ZNF254: variants seen among roughly 807,000 people sequenced by gnomAD.
ZNF254 encodes the protein zinc finger protein 254, also known as CTD-2017D11.1.
ZNF254 carries 10 observed loss-of-function variants against 12.4 expected under a neutral mutation model. That is an observed-to-expected ratio of 0.80 (90% confidence interval 0.50 to 1.36). The LOEUF is 1.36. ZNF254 is among the 40% of genes most tolerant of loss of function. The pLI, the probability that ZNF254 is intolerant of heterozygous loss-of-function variation, is 0.00. For synonymous variants in ZNF254, 305 were observed against 253.4 expected, an observed-to-expected ratio of 1.20 and a Z score of -1.93; for missense variants, 996 against 763.9, an observed-to-expected ratio of 1.30 and a Z score of -3.58.
At chr19:24,117,811 G>A (rs369680158) in intron 3 of ZNF254, among the ~76,000 whole-genome samples, 52 of 151,968 alleles carry the variant, frequency 3.4e-4, no homozygotes, top group Non-Finnish European at 1.9e-4. Flanking sequence ...GCTGTAGACC[G>A]GAGCTGTTCG....
chr19:24,108,639 G>A (rs776822603), intron 3 of ZNF254, among the ~76,000 whole-genome samples: 2 of 152,094 alleles, frequency 1.3e-5, no homozygotes, highest in African/African-American at 2.4e-5. Context: ...TCTCATAAAG[G>A]CATTTTTGTC....
chr19:24,076,012 G>GA (rs1442329765), intron 2 of ZNF254, among the ~76,000 whole-genome samples: 3 of 152,214 alleles, frequency 2.0e-5, no homozygotes, highest in African/African-American at 7.2e-5. Context: ...CTTGTTCCCT[G>GA]AAAATCACTG....
chr19:24,047,529 C>T (rs550484650), intron 2 of ZNF254, among the ~76,000 whole-genome samples: 9 of 151,282 alleles, frequency 5.9e-5, no homozygotes, highest in Non-Finnish European at 1.2e-4. Flanking sequence ...TCAGTTTCCC[C>T]AAGTGTTGGG....
upstream of ZNF254, chr19:24,087,034 C>G (rs1224467007): frequency 9.6e-6 from 4 of 416,224 alleles, no homozygotes; most frequent in Non-Finnish European, 1.8e-5. Context: ...GGCTGTCACT[C>G]TTTCTTCAGC....
chr19:24,037,120 A>ATCAG (rs1969995984), intron 1 of ZNF254, among the ~76,000 whole-genome samples: 4 of 152,220 alleles, frequency 2.6e-5, no homozygotes, highest in Admixed American at 2.6e-4. Context: ...CCCTGCCTGA[A>ATCAG]TCAGTATCTG....
At chr19:24,095,533 T>G (rs1032052519) in intron 1 of ZNF254, among the ~76,000 whole-genome samples, 2 of 152,210 alleles carry the variant, frequency 1.3e-5, no homozygotes, top group Non-Finnish European at 2.9e-5. Context: ...GTTTGGTTGG[T>G]AGGCTATTTA....
rs1384335110 is a variant in ZNF254 at position 24,049,782 on chromosome 19, A to T, written c.-94+3503A>T. ...TCCCAAACCTAGGTGATGTAACTCT[A>T]CTGCTTAGGCCCTGCCTACAGAGGA... is the stretch of plus-strand genomic sequence containing the variant. On this transcript the variant is annotated intron_variant, in intron 2 of 4. Coordinates refer to the ZNF254 transcript ENST00000613065. 2.6e-5 allele frequency among the ~76,000 whole-genome samples: 4 copies of T among 151,974 alleles called. No individual in the cohort carries two copies. In the East Asian group the frequency reaches 7.7e-4, roughly 29 times the overall value.
chr19:24,041,184 A>G (rs573340988), intron 1 of ZNF254, among the ~76,000 whole-genome samples: 2 of 152,156 alleles, frequency 1.3e-5, no homozygotes, highest in East Asian at 1.9e-4. Flanking sequence ...TGCTCTCGGC[A>G]CCTCCCCTGC....
intron 3 of ZNF254, among the ~76,000 whole-genome samples, chr19:24,117,989 C>G (rs973747578): frequency 4.0e-5 from 6 of 151,596 alleles, no homozygotes; most frequent in African/African-American, 4.8e-5. Context: ...ACATTTATAA[C>G]ATAATAAAAT....
intron 2 of ZNF254, among the ~76,000 whole-genome samples, chr19:24,057,920 C>T (rs1354074329): frequency 6.6e-6 from 1 of 152,190 alleles, no homozygotes; most frequent in African/African-American, 2.4e-5. Context: ...CATCCTTGGT[C>T]TTTCCTTCAG....
At chr19:24,081,712 A>G (rs1380204377) in intron 2 of ZNF254, among the ~76,000 whole-genome samples, 4 of 152,216 alleles carry the variant, frequency 2.6e-5, no homozygotes, top group African/African-American at 4.8e-5. Flanking sequence ...GACTATACTC[A>G]GATGCCCCCG....
At chr19:24,078,475 C>T (rs1212289659) in intron 2 of ZNF254, 1 of 152,114 alleles carries the variant, frequency 6.6e-6, no homozygotes. Context: ...CTCACTTTTT[C>T]AAAAAGACTC....
chr19:24,073,931 AT>A (rs1971568499), intron 2 of ZNF254, among the ~76,000 whole-genome samples: 1 of 152,210 alleles, frequency 6.6e-6, no homozygotes, highest in African/African-American at 2.4e-5. Flanking sequence ...CACCTGAGTA[AT>A]TTGATTCTCC....
At chr19:24,087,888 A>T (rs1972123194) in intron 1 of ZNF254, among the ~76,000 whole-genome samples, 1 of 151,112 alleles carries the variant, frequency 6.6e-6, no homozygotes, top group Admixed American at 6.6e-5. Flanking sequence ...TTGGCTAGGT[A>T]CAGCAATCTA....
chr19:24,079,964 A>G (rs1971791344), intron 2 of ZNF254: 1 of 152,232 alleles, frequency 6.6e-6, no homozygotes. Flanking sequence ...AATAGTGTTT[A>G]GTTGAGGCAA....
At chr19:24,120,427 T>C (rs1005823015) in intron 3 of ZNF254, among the ~76,000 whole-genome samples, 1 of 152,118 alleles carries the variant, frequency 6.6e-6, no homozygotes, top group African/African-American at 2.4e-5. Flanking sequence ...TATTTTTCAG[T>C]TTATTAATAT....
chr19:24,125,794 C>A (rs1356524247), intron 3 of ZNF254, among the ~76,000 whole-genome samples: 3 of 152,170 alleles, frequency 2.0e-5, no homozygotes, highest in African/African-American at 4.8e-5. Flanking sequence ...AAATATACCA[C>A]CATTTCTTTC....
intron 2 of ZNF254, chr19:24,080,363 A>T (rs532083305): frequency 6.6e-6 from 1 of 152,182 alleles, no homozygotes; most frequent in East Asian, 1.9e-4. Flanking sequence ...TGACCACTGG[A>T]AGAGGGTTTG....
intron 1 of ZNF254, among the ~76,000 whole-genome samples, chr19:24,036,224 G>A (rs1969961034): frequency 6.8e-6 from 1 of 146,124 alleles, no homozygotes; most frequent in African/African-American, 2.7e-5. Context: ...CACCATGCTC[G>A]GCTAAATTTT....
Sources: gnomAD v4.1 joint callset for allele counts (sites outside exome capture counted in the v4.1 genomes callset) on GRCh38, gnomAD v4.1.1 for gene constraint, MANE v1.5 for transcripts, NCBI Gene and HGNC (gene_info 2026-07-23, HGNC 2026-07-21) for gene names.